Variants in BCL6 observed in about 807,000 individuals in gnomAD.
BCL6 encodes B-cell lymphoma 6 protein.
A neutral mutation model predicts 59.5 loss-of-function variants in BCL6; 7 were observed. That is an observed-to-expected ratio of 0.12 (90% confidence interval 0.07 to 0.22). BCL6 has a LOEUF of 0.22. Among genes scored for constraint, BCL6 ranks in the 10% least tolerant of loss-of-function variants. The pLI, the probability that BCL6 is intolerant of heterozygous loss-of-function variation, is 1.00. For synonymous variants in BCL6, 339 were observed against 349.7 expected (o/e 0.97, Z 0.34); for missense variants, 685 against 939.4 (o/e 0.73, Z 3.54).
intron 1 of BCL6, among the ~76,000 whole-genome samples, chr3:187,744,986 C>G: frequency 6.6e-6 from 1 of 152,120 alleles, no homozygotes; most frequent in East Asian, 1.9e-4. Flanking sequence ...CCCCCAAGCA[C>G]TGTCTCGTCC....
At chr3:187,726,294 G>C in intron 7 of BCL6, among the ~76,000 whole-genome samples, 1 of 152,270 alleles carries the variant, frequency 6.6e-6, no homozygotes, top group East Asian at 1.9e-4. Flanking sequence ...GGCCATTTAC[G>C]GTACTAAGAG....
chr3:187,723,459 T>C (rs1293929375), intron 9 of BCL6, among the ~76,000 whole-genome samples: 1 of 152,212 alleles, frequency 6.6e-6, no homozygotes, highest in Non-Finnish European at 1.5e-5. Flanking sequence ...TTATCAGTAT[T>C]GGTTCATTAG....
intron 1 of BCL6, among the ~76,000 whole-genome samples, chr3:187,744,684 C>G (rs186895646): frequency 1.3e-5 from 2 of 152,162 alleles, no homozygotes; most frequent in East Asian, 1.9e-4. Flanking sequence ...TGGAAGAGAG[C>G]CAGCGGGGCG....
At chr3:187,736,651 C>G (rs768719291) in intron 1 of BCL6, 1 of 152,226 alleles carries the variant, frequency 6.6e-6, no homozygotes, top group Non-Finnish European at 1.5e-5. Context: ...GGCTTTTCAC[C>G]GTAAGCCTCT....
chr3:187,730,468 A>G (rs995151887), intron 4 of BCL6, among the ~76,000 whole-genome samples: 1 of 152,266 alleles, frequency 6.6e-6, no homozygotes, highest in Non-Finnish European at 1.5e-5. Flanking sequence ...AATTTATACA[A>G]TGTTGGTATG....
At chr3:187,744,838 A>G (rs1711828785) in intron 1 of BCL6, among the ~76,000 whole-genome samples, 3 of 152,248 alleles carry the variant, frequency 2.0e-5, no homozygotes, top group South Asian at 2.1e-4. Context: ...GCAAGCGAGA[A>G]AAGAGGGAAA....
chr3:187,722,438 A>C lies in BCL6; in HGVS notation c.*20T>G. ...GATTCTGAGAAGGGGCTGGAGACGA[A>C]AGCATCAACACTCCATGCTTCAGCA... On this transcript the variant is annotated 3_prime_UTR_variant, in exon 10 of 10. Coordinates refer to ENST00000406870, the MANE Select transcript of BCL6 (RefSeq NM_001706.5). 2 of 1,603,538 alleles carry C rather than the reference A, an allele frequency of 1.2e-6. No homozygotes were observed. The highest frequency in any genetic ancestry group is 1.7e-6 in the Non-Finnish European group (2 of 1,175,202).
chr3:187,722,799 T>C (rs1718490449), intron 9 of BCL6, among the ~76,000 whole-genome samples, 198 bp from the exon 10 acceptor site: 1 of 152,214 alleles, frequency 6.6e-6, no homozygotes, highest in Non-Finnish European at 1.5e-5. Context: ...CGTTCCCTGC[T>C]TTCCCAAGTG....
At position 187,729,689 on chromosome 3, in the gene BCL6, G is replaced by C. The variant is rs759501076; in HGVS notation, c.716C>G (p.Pro239Arg). The change falls in exon 5 of 10, where the codon CCT (proline) becomes CGT (arginine). Residue 239 changes from proline (P) to arginine (R), a missense_variant. By Grantham distance (103) the Pro-to-Arg change is moderately radical (BLOSUM62 -2). This residue lies in a region of BCL6 where 268 missense variants were observed against 263.8 expected (regional missense o/e 1.02). Coordinates refer to ENST00000406870, the MANE Select transcript of BCL6 (RefSeq NM_001706.5). The surrounding 1 kb of genome is among the most constrained non-coding windows in gnomAD (Gnocchi z 5.6). ...ALPCDSARPV[P>R]GEYSRPTLEV... is the part of the protein sequence containing the mutation. The stretch of plus-strand genomic sequence containing the variant: ...CAAAGTCGGCCGGCTGTACTCACCA[G>C]GGACTGGCCTGGCACTATCACATGG... 1.2e-6 allele frequency: 2 copies of C among 1,614,032 alleles called. No individual in the cohort carries two copies. The highest frequency in any genetic ancestry group is 1.7e-6 in the Non-Finnish European group (2 of 1,180,016).
Position 187,729,533 on chromosome 3 carries a change from G to A in BCL6, c.872C>T (p.Ala291Val), listed in dbSNP as rs746322343. ...GGCCTTGTCACAAGGGAAGTAGGGG[G>A]CATTTCGGGCTGAGGGGGCAGCAGG... The part of the protein sequence containing the change: ...LKPAAPSARN[A>V]PYFPCDKASK... Residue 291 changes from alanine to valine, a missense_variant, in exon 5 of 10, where the codon GCC (alanine) becomes GTC (valine). Ala to Val is a moderately conservative substitution (Grantham distance 64). This residue lies in a region of BCL6 where 268 missense variants were observed against 263.8 expected (regional missense o/e 1.02). Transcript: ENST00000406870. This position sits in a 1 kb window ranked among gnomAD's most constrained non-coding sequence, Gnocchi z 5.6. The A allele has an allele frequency of 1.2e-6, 2 of 1,613,786 alleles. No individual in the cohort carries two copies. Among genetic ancestry groups the A allele is most frequent in the Non-Finnish European group, 1.7e-6 (2 of 1,179,972 alleles).
At chr3:187,732,868 A>G (rs1309593884) in intron 3 of BCL6, among the ~76,000 whole-genome samples, 1 of 152,216 alleles carries the variant, frequency 6.6e-6, no homozygotes, top group African/African-American at 2.4e-5. Flanking sequence ...TAGATGTTGG[A>G]TAAGTTTTCA....
intron 1 of BCL6, among the ~76,000 whole-genome samples, chr3:187,744,651 G>T (rs1711804310): frequency 6.6e-6 from 1 of 152,188 alleles, no homozygotes; most frequent in Non-Finnish European, 1.5e-5. Context: ...TCGAAGGCAG[G>T]GAATCTAAAA....
At chr3:187,745,252 A>G (rs1346561868) in intron 1 of BCL6, among the ~76,000 whole-genome samples, 158 bp downstream of exon 1, 6 of 152,278 alleles carry the variant, frequency 3.9e-5, no homozygotes, top group Middle Eastern at 3.4e-3. Flanking sequence ...AGATACACAT[A>G]GAAAACTTGG....
intron 5 of BCL6, 84 bp downstream of exon 5, chr3:187,728,966 C>T (rs1011927815): frequency 2.0e-6 from 3 of 1,483,514 alleles, no homozygotes; most frequent in East Asian, 2.3e-5. Flanking sequence ...ATAGGCTCAG[C>T]AATTCAGGCA....
At chr3:187,744,904 A>T (rs781072769) in intron 1 of BCL6, among the ~76,000 whole-genome samples, 1 of 152,062 alleles carries the variant, frequency 6.6e-6, no homozygotes, top group Admixed American at 6.5e-5. Context: ...CAGCAGCAGA[A>T]AGAGCGAGAG....
chr3:187,736,575 C>T (rs1001957791), intron 1 of BCL6: 1 of 152,232 alleles, frequency 6.6e-6, no homozygotes, highest in South Asian at 2.1e-4. Context: ...GTGGCAATGA[C>T]TCACTCCAGA....
At chr3:187,739,630 G>C (rs542680578) in intron 1 of BCL6, among the ~76,000 whole-genome samples, 18 of 152,288 alleles carry the variant, frequency 1.2e-4, no homozygotes, top group African/African-American at 4.3e-4. Flanking sequence ...AGAGGGATGT[G>C]TTTTATCATC....
At chr3:187,743,832 T>C (rs553248784) in intron 1 of BCL6, among the ~76,000 whole-genome samples, 2 of 151,588 alleles carry the variant, frequency 1.3e-5, no homozygotes, top group East Asian at 2.0e-4. Context: ...CCCCCATTCT[T>C]ACTCCCTCGA....
At chr3:187,731,268 T>C (rs747879144) in intron 4 of BCL6, among the ~76,000 whole-genome samples, 10 of 152,174 alleles carry the variant, frequency 6.6e-5, no homozygotes, top group African/African-American at 9.7e-5. Context: ...AAGGCACATA[T>C]GTAAATAGTT....
Sources: gnomAD v4.1 joint callset for allele counts (sites outside exome capture counted in the v4.1 genomes callset) on GRCh38, gnomAD v4.1.1 for gene constraint, gnomAD v4.1.1 regional missense constraint, Gnocchi (gnomAD v3.1) non-coding constraint, MANE v1.5 for transcripts, NCBI Gene and HGNC (gene_info 2026-07-23, HGNC 2026-07-21) for gene names.